The following WDR26 variants were observed in gnomAD, a reference collection of about 807,000 sequenced individuals.
WDR26 encodes WD repeat domain 26.
WDR26 carries 5 observed loss-of-function variants against 84.1 expected under a neutral mutation model. The ratio of observed to expected loss-of-function variants is 0.06; its 90% CI spans 0.03 to 0.13. The LOEUF is 0.13. Among genes scored for constraint, WDR26 ranks in the 10% least tolerant of loss-of-function variants. The probability of loss-of-function intolerance (pLI) is 1.00; values close to 1 mark genes in which losing one functional copy is unlikely to be tolerated. For missense variants in WDR26, 642 were observed against 974.9 expected (o/e 0.66, Z 4.55); for synonymous variants, 415 against 389.6 (o/e 1.07, Z -0.77).
At position 224,425,052 on chromosome 1, in the gene WDR26, G is replaced by GT. The variant is rs1420802796; in HGVS notation, c.928-399dup. Among the ~76,000 whole-genome samples, 15 of 152,262 alleles carry GT rather than the reference G, an allele frequency of 9.9e-5. No homozygotes were observed. In the South Asian group the frequency reaches 3.1e-3, roughly 32 times the overall value. ...GACTTTATAACTAGGGCACTGGGGG[G>GT]TTTTATGCAACAAGTTTTGAAAAGA... On this transcript the variant is annotated intron_variant, in intron 3 of 13. Transcript: ENST00000414423.
intron 8 of WDR26, among the ~76,000 whole-genome samples, chr1:224,401,696 A>AG (rs1488358428): frequency 1.2e-5 from 1 of 82,180 alleles, no homozygotes; most frequent in Non-Finnish European, 2.4e-5. Flanking sequence ...AAAAGAAAAA[A>AG]AAAAAGAAAA....
chr1:224,428,188 C>G (rs1674285049), intron 3 of WDR26, among the ~76,000 whole-genome samples: 1 of 152,130 alleles, frequency 6.6e-6, no homozygotes, highest in Non-Finnish European at 1.5e-5. Flanking sequence ...CTAGTCCACC[C>G]AATACTGAAT....
At chr1:224,401,307 T>A (rs1475853590) in intron 8 of WDR26, among the ~76,000 whole-genome samples, 1 of 152,152 alleles carries the variant, frequency 6.6e-6, no homozygotes, top group East Asian at 1.9e-4. Context: ...GTAGATATGA[T>A]GAGATAAACT....
chr1:224,399,024 C>G lies in WDR26; in HGVS notation c.1730G>C (p.Gly577Ala). Residue 577 changes from glycine to alanine, a missense_variant, in exon 10 of 14, where the codon GGT (glycine) becomes GCT (alanine). Physicochemically the swap from Gly to Ala is moderately conservative, Grantham distance 60 (BLOSUM62 0). Coordinates refer to ENST00000414423, the MANE Select transcript of WDR26 (RefSeq NM_001379403.1). ...CCCTTCCCAGGAGTCAAGGAGATTACCATCTAAGTCCTGAGTAAGAAAAAA... is the reference window on the plus strand; with the variant it reads ...CCCTTCCCAGGAGTCAAGGAGATTAGCATCTAAGTCCTGAGTAAGAAAAAA... 2 of 1,548,570 alleles carry G rather than the reference C, an allele frequency of 1.3e-6. No individual in the cohort carries two copies. Among genetic ancestry groups the G allele is most frequent in the Non-Finnish European group, 1.7e-6 (2 of 1,155,746 alleles).
In WDR26 at chr1:224,385,246, C is replaced by G. The variant is rs930344769; in HGVS notation, c.*4589G>C. 6.6e-6 allele frequency: 1 copy of G among 152,056 alleles called. No homozygotes were observed. The highest frequency in any genetic ancestry group is 1.5e-5 in the Non-Finnish European group (1 of 67,992). 9.4% of individuals were successfully genotyped at this position (152,056 alleles called of 1,614,324 possible). A position where few individuals can be genotyped will look rare whatever the true frequency, so the allele number is the denominator to read the frequency against. On this transcript the variant is annotated 3_prime_UTR_variant, in exon 14 of 14. Transcript: ENST00000414423. ...GGAAAAAGTGTCTTTAAAAAAAAATCCCAGTAAAGCAAATCAAAGTTAATG... is the reference window on the plus strand; with the variant it reads ...GGAAAAAGTGTCTTTAAAAAAAAATGCCAGTAAAGCAAATCAAAGTTAATG...
intron 3 of WDR26, among the ~76,000 whole-genome samples, chr1:224,428,530 T>A (rs936048305): frequency 4.6e-5 from 7 of 152,072 alleles, no homozygotes; most frequent in Non-Finnish European, 8.8e-5. Context: ...ATAAAAAAAG[T>A]TTTCTATTAT....
At chr1:224,410,569 G>T (rs1673708723) in intron 7 of WDR26, among the ~76,000 whole-genome samples, 1 of 151,976 alleles carries the variant, frequency 6.6e-6, no homozygotes, top group African/African-American at 2.4e-5. Context: ...AACAAAGGGG[G>T]AAAGGATTAC....
intron 9 of WDR26, among the ~76,000 whole-genome samples, chr1:224,399,844 T>C (rs1673361682): frequency 6.6e-6 from 1 of 152,224 alleles, no homozygotes; most frequent in Non-Finnish European, 1.5e-5. Flanking sequence ...TGGTAGCTCA[T>C]GCCTATAATC....
At position 224,418,139 on chromosome 1, in the gene WDR26, G is replaced by A. The variant is rs1445007688; in HGVS notation, c.1319+121C>T. On this transcript the variant is annotated intron_variant, in intron 6 of 13. Coordinates refer to ENST00000414423, the MANE Select transcript of WDR26 (RefSeq NM_001379403.1). ...AATTTTCATAGTTCCAGCTTTACTC[G>A]TGAACAAATGCTAAATCAGACATGA... 29 of 770,078 alleles carry A rather than the reference G, an allele frequency of 3.8e-5. No individual in the cohort carries two copies. The East Asian group carries it at 4.8e-4, about 13-fold the overall frequency. The allele number at this position is 770,078 out of a possible 1,614,324, so 47.7% of individuals were successfully genotyped here. A position where few individuals can be genotyped will look rare whatever the true frequency, so the allele number is the denominator to read the frequency against.
intron 12 of WDR26, among the ~76,000 whole-genome samples, chr1:224,394,329 A>T (rs897783449): frequency 1.3e-5 from 2 of 152,222 alleles, no homozygotes; most frequent in Admixed American, 6.5e-5. Flanking sequence ...GATAGTGATA[A>T]ATTCTATGGA....
chr1:224,404,357 TAA>T, intron 8 of WDR26, 71 bp downstream of exon 8: 1 of 1,504,272 alleles, frequency 6.6e-7, no homozygotes, highest in Non-Finnish European at 8.9e-7. Flanking sequence ...TATAAATCAA[TAA>T]AGTTATAATG....
At chr1:224,413,170 C>G in intron 6 of WDR26, 1 of 556,234 alleles carries the variant, frequency 1.8e-6, no homozygotes, top group Non-Finnish European at 2.4e-6. Context: ...GCCTGGGTGA[C>G]AGAGTGAGAT....
intron 12 of WDR26, among the ~76,000 whole-genome samples, chr1:224,396,482 A>G (rs1456738408): frequency 6.6e-6 from 1 of 152,236 alleles, no homozygotes; most frequent in East Asian, 1.9e-4. Context: ...ACTAATGTCT[A>G]TTATCTCCCG....
At chr1:224,395,413 T>C (rs548779476) in intron 12 of WDR26, among the ~76,000 whole-genome samples, 11 of 152,148 alleles carry the variant, frequency 7.2e-5, no homozygotes, top group South Asian at 2.1e-4. Context: ...GAGGAAACCT[T>C]AGAGGATGTG....
intron 12 of WDR26, among the ~76,000 whole-genome samples, chr1:224,396,221 C>A (rs531432020): frequency 6.6e-6 from 1 of 152,078 alleles, no homozygotes; most frequent in Non-Finnish European, 1.5e-5. Context: ...TAGTATTCAT[C>A]GTTGTTTCTA....
intron 6 of WDR26, chr1:224,413,201 A>AC: frequency 1.4e-6 from 1 of 735,040 alleles, no homozygotes; most frequent in Non-Finnish European, 1.8e-6. Flanking sequence ...AACAACAACA[A>AC]CAAAAACCCC....
chr1:224,422,525 G>A (rs944359257), intron 4 of WDR26, among the ~76,000 whole-genome samples: 2 of 152,144 alleles, frequency 1.3e-5, no homozygotes, highest in African/African-American at 4.8e-5. Flanking sequence ...AGACCAGCCT[G>A]GCCAATGTGG....
intron 4 of WDR26, among the ~76,000 whole-genome samples, chr1:224,422,494 T>G (rs1674092515): frequency 6.6e-6 from 1 of 152,176 alleles, no homozygotes; most frequent in Non-Finnish European, 1.5e-5. Flanking sequence ...GGCAGGTGGA[T>G]CACCTGAGGT....
intron 7 of WDR26, among the ~76,000 whole-genome samples, chr1:224,410,829 G>A (rs1167229599): frequency 6.6e-6 from 1 of 150,532 alleles, no homozygotes; most frequent in Non-Finnish European, 1.5e-5. Flanking sequence ...CTCTTGAATA[G>A]CTGGGACGAC....
Sources: allele counts gnomAD v4.1 joint callset (sites outside exome capture counted in the v4.1 genomes callset), GRCh38; gene constraint gnomAD v4.1.1; transcripts MANE v1.5; gene names NCBI Gene and HGNC (gene_info 2026-07-23, HGNC 2026-07-21).